Variants in FREM2 observed in about 807,000 individuals in gnomAD.
FREM2 encodes the protein FRAS1 related extracellular matrix 2.
FREM2 carries 119 observed loss-of-function variants against 219.9 expected under a neutral mutation model. The observed-to-expected ratio is 0.54, with a 90% CI of 0.47 to 0.63. FREM2 has a LOEUF of 0.63. Among genes scored for constraint, FREM2 ranks in the 30% least tolerant of loss-of-function variants. The pLI, the probability that FREM2 is intolerant of heterozygous loss-of-function variation, is 0.00. For missense variants in FREM2, 4,030 were observed against 3,993.6 expected (o/e 1.01, Z -0.25); for synonymous variants, 1,562 against 1,522.8 (o/e 1.03, Z -0.60).
At chr13:38,821,363 C>G (rs538670659) in intron 6 of FREM2, among the ~76,000 whole-genome samples, 1 of 152,062 alleles carries the variant, frequency 6.6e-6, no homozygotes, top group South Asian at 2.1e-4. Flanking sequence ...AAATATAGTG[C>G]TATTGTTATT....
At chr13:38,850,881 C>A (rs1396934580) in intron 9 of FREM2, 63 bp from the exon 10 acceptor site, 6 of 1,585,782 alleles carry the variant, frequency 3.8e-6, no homozygotes, top group Non-Finnish European at 5.1e-6. Flanking sequence ...TTATGGTGCT[C>A]ACATTCTAGT....
In FREM2 at chr13:38,878,857, G is replaced by A. The variant is rs760870024; in HGVS notation, c.8886G>A (p.Ala2962=). 9.9e-6 allele frequency: 16 copies of A among 1,613,998 alleles called. No individual in the cohort carries two copies. Among genetic ancestry groups the A allele is most frequent in the East Asian group, 8.9e-5 (4 of 44,878 alleles). The change falls in exon 23 of 24, where the codon GCG becomes GCA. Residue 2962 remains alanine (A), a synonymous_variant. Coordinates refer to ENST00000280481, the MANE Select transcript of FREM2 (RefSeq NM_207361.6). ...IVDKAQPETQ[A]TSFGNVLFNA... ...ACAAAGCTCAGCCAGAGACACAAGCGACCAGTTTTGGAAATGTCCTATTTA... is the reference window on the plus strand; with the variant it reads ...ACAAAGCTCAGCCAGAGACACAAGCAACCAGTTTTGGAAATGTCCTATTTA...
In FREM2 at chr13:38,688,228, G is replaced by C. The variant is rs1869591455; in HGVS notation, c.884G>C (p.Ser295Thr). The change falls in exon 1 of 24, where the codon AGC (serine) becomes ACC (threonine). Residue 295 changes from serine to threonine, a missense_variant. This residue lies in a region of FREM2 where 3,102 missense variants were observed against 2,950.7 expected (regional missense o/e 1.05). Transcript: ENST00000280481. ...ELRSRGAPVG[S>T]PALKREHFQV... ...CGTTCACGAGGGGCTCCTGTGGGCA[G>C]CCCTGCTTTGAAACGCGAGCACTTC... The C allele has an allele frequency of 6.2e-7, 1 of 1,613,718 alleles. No homozygotes were observed. The highest frequency in any genetic ancestry group is 8.5e-7 in the Non-Finnish European group (1 of 1,179,892).
At chr13:38,760,604 G>A (rs1230350841) in intron 2 of FREM2, among the ~76,000 whole-genome samples, 2 of 151,990 alleles carry the variant, frequency 1.3e-5, no homozygotes, top group African/African-American at 2.4e-5. Context: ...TTTAGAAAGA[G>A]TGTCATTAAA....
At position 38,784,818 on chromosome 13, in the gene FREM2, A is replaced by G. The variant is rs1425941520; in HGVS notation, c.6019+10A>G. On this transcript the variant is annotated intron_variant, in intron 6 of 23. Transcript: ENST00000280481. ...CCTGACAAAGATGATGGTGAGTACT[A>G]ATTTACTTGAAAATTCTTTTTCCCG... is the stretch of plus-strand genomic sequence containing the variant. The G allele has an allele frequency of 1.2e-6, 2 of 1,613,660 alleles. No individual in the cohort carries two copies. The highest frequency in any genetic ancestry group is 1.7e-6 in the Non-Finnish European group (2 of 1,179,958).
intron 6 of FREM2, among the ~76,000 whole-genome samples, chr13:38,810,156 T>C (rs1875418321): frequency 6.6e-6 from 1 of 152,110 alleles, no homozygotes; most frequent in African/African-American, 2.4e-5. Context: ...TGCTATTGAT[T>C]TTTATGTTGA....
intron 5 of FREM2, among the ~76,000 whole-genome samples, chr13:38,783,475 A>T (rs1264164679): frequency 1.5e-3 from 10 of 6,874 alleles, no homozygotes; most frequent in Middle Eastern, 0.05. Context: ...TTACTATATA[A>T]AAAAAAAAAA....
intron 6 of FREM2, among the ~76,000 whole-genome samples, chr13:38,819,851 A>G (rs1364856522): frequency 6.6e-6 from 1 of 152,132 alleles, no homozygotes; most frequent in African/African-American, 2.4e-5. Context: ...TAAAGAGACT[A>G]TGGCATTAAC....
At chr13:38,780,835 A>T (rs1874089182) in intron 4 of FREM2, among the ~76,000 whole-genome samples, 1 of 152,198 alleles carries the variant, frequency 6.6e-6, no homozygotes, top group Admixed American at 6.5e-5. Context: ...TAGTTAATCC[A>T]CTAGAGCTTC....
rs1869535237 is a variant in FREM2 at position 38,687,648 on chromosome 13, G to C, written c.304G>C (p.Gly102Arg). Residue 102 changes from glycine to arginine, a missense_variant, in exon 1 of 24, where the codon GGG (glycine) becomes CGG (arginine). This residue lies in a region of FREM2 where 3,102 missense variants were observed against 2,950.7 expected (regional missense o/e 1.05). Coordinates refer to ENST00000280481, the MANE Select transcript of FREM2 (RefSeq NM_207361.6). ...TGACCTGGTGTTGCAGGTGCAGCCC[G>C]GGGACCGCTGCGCGGTTTCGGTACT... ...LHDLVLQVQP[G>R]DRCAVSVLDN... is the part of the protein sequence containing the mutation. 2 of 1,606,374 alleles carry C rather than the reference G, an allele frequency of 1.2e-6. No individual in the cohort carries two copies. The highest frequency in any genetic ancestry group is 1.7e-6 in the Non-Finnish European group (2 of 1,176,104).
At chr13:38,694,662 C>A (rs1350084143) in intron 1 of FREM2, among the ~76,000 whole-genome samples, 1 of 152,024 alleles carries the variant, frequency 6.6e-6, no homozygotes, top group Admixed American at 6.6e-5. Flanking sequence ...AAGGTTATTC[C>A]TAAATTGATT....
chr13:38,879,861 A>C (rs1378047392), intron 23 of FREM2, among the ~76,000 whole-genome samples: 1 of 152,222 alleles, frequency 6.6e-6, no homozygotes, highest in Non-Finnish European at 1.5e-5. Context: ...TCTTATATGC[A>C]ATAAGCAGCA....
intron 6 of FREM2, among the ~76,000 whole-genome samples, chr13:38,816,213 T>G (rs1875757144): frequency 6.6e-6 from 1 of 152,172 alleles, no homozygotes; most frequent in Admixed American, 6.6e-5. Context: ...GAGGAAGGAA[T>G]ACTTCCAAAG....
intron 6 of FREM2, among the ~76,000 whole-genome samples, chr13:38,795,108 A>C (rs1364963364): frequency 6.6e-6 from 1 of 152,072 alleles, no homozygotes; most frequent in Non-Finnish European, 1.5e-5. Context: ...AAAAGGATTA[A>C]AATATAAGTA....
chr13:38,878,000 C>G, intron 21 of FREM2, 134 bp from the exon 22 acceptor site: 1 of 774,792 alleles, frequency 1.3e-6, no homozygotes, highest in South Asian at 1.6e-5. Flanking sequence ...TGCAAACAGG[C>G]CTTCAACATT....
intron 6 of FREM2, among the ~76,000 whole-genome samples, chr13:38,809,741 G>T (rs889135115): frequency 2.6e-5 from 4 of 152,050 alleles, no homozygotes; most frequent in African/African-American, 9.7e-5. Flanking sequence ...TCGTTCTGTA[G>T]TATAATTTGA....
At chr13:38,863,896 G>A (rs567847409) in intron 15 of FREM2, among the ~76,000 whole-genome samples, 4 of 152,014 alleles carry the variant, frequency 2.6e-5, no homozygotes, top group African/African-American at 2.4e-5. Flanking sequence ...GCAGTGGTGC[G>A]ATCTCAGCTC....
intron 10 of FREM2, among the ~76,000 whole-genome samples, chr13:38,851,334 C>T (rs1205136792): frequency 1.3e-5 from 2 of 152,160 alleles, no homozygotes; most frequent in Admixed American, 1.3e-4. Flanking sequence ...AACACTAATT[C>T]CCAAACATCC....
In FREM2 at chr13:38,780,139, G is replaced by A. The variant is rs141656638; in HGVS notation, c.5642-2931G>A. Among the ~76,000 whole-genome samples, 4 of 152,182 alleles carry A rather than the reference G, an allele frequency of 2.6e-5. No homozygotes were observed. The East Asian group carries it at 7.7e-4, about 29-fold the overall frequency. On this transcript the variant is annotated intron_variant, in intron 4 of 23. Coordinates refer to ENST00000280481, the MANE Select transcript of FREM2 (RefSeq NM_207361.6). ...GACATCCATGATTCTATACCCAAAT[G>A]GCTAATTTGACATGTCAGCTTGGAT...
Sources: gnomAD v4.1 joint callset for allele counts (sites outside exome capture counted in the v4.1 genomes callset) on GRCh38, gnomAD v4.1.1 for gene constraint, gnomAD v4.1.1 regional missense constraint, MANE v1.5 for transcripts, NCBI Gene and HGNC (gene_info 2026-07-23, HGNC 2026-07-21) for gene names.